The following DOT1L variants were observed in gnomAD, a reference collection of about 807,000 sequenced individuals.
The protein encoded by DOT1L is histone-lysine N-methyltransferase, H3 lysine-79 specific.
A neutral mutation model predicts 153.3 loss-of-function variants in DOT1L; 33 were observed. The observed-to-expected ratio is 0.22, with a 90% confidence interval of 0.16 to 0.29. The LOEUF (loss-of-function observed/expected upper bound fraction) is 0.29, where lower values mean the gene tolerates loss of function less well. Ranked by LOEUF, DOT1L falls within the 10% of genes least tolerant of loss-of-function variation. DOT1L has a pLI of 1.00. For missense variants in DOT1L, 1,847 were observed against 2,119.9 expected, an observed-to-expected ratio of 0.87 and a Z score of 2.53; for synonymous variants, 1,135 against 965.1, an observed-to-expected ratio of 1.18 and a Z score of -3.26.
At chr19:2,227,444 C>A (rs1314953493) in intron 27 of DOT1L, 2 of 599,622 alleles carry the variant, frequency 3.3e-6, no homozygotes, top group Non-Finnish European at 6.3e-6. Context: ...CGGGCTCTGG[C>A]AAGGCTCTGG....
chr19:2,175,711 T>G (rs891257891), intron 1 of DOT1L, among the ~76,000 whole-genome samples: 2 of 152,000 alleles, frequency 1.3e-5, no homozygotes, highest in East Asian at 3.9e-4. Context: ...ACGCCTATAA[T>G]CCCAGCTACT....
intron 8 of DOT1L, among the ~76,000 whole-genome samples, chr19:2,201,942 G>GCCTGTTTTCCCTTT (rs1159690478): frequency 3.9e-5 from 6 of 152,364 alleles, no homozygotes; most frequent in Admixed American, 1.3e-4. Flanking sequence ...TCTGGCCTCA[G>GCCTGTTTTCCCTTT]CCTGTTTTCC....
intron 27 of DOT1L, chr19:2,229,256 C>T (rs757914555): frequency 5.7e-5 from 56 of 985,336 alleles, no homozygotes; most frequent in African/African-American, 3.1e-4. Flanking sequence ...GTTGGCCACC[C>T]GTGCCCTCCA....
At position 2,164,153 on chromosome 19, in the gene DOT1L, C is replaced by T. The variant is rs764122757; in HGVS notation, c.-32C>T. ...GCCCCGCCCCTCCCCCAACCGCCCG[C>T]CTAGCATGGTGCGGCGGCCGCGCGC... On this transcript the variant is annotated 5_prime_UTR_variant, in exon 1 of 28. Transcript: ENST00000398665. 2.5e-6 allele frequency: 3 copies of T among 1,199,392 alleles called. No homozygotes were observed. Among genetic ancestry groups the T allele is most frequent in the Non-Finnish European group, 2.1e-6 (2 of 965,412 alleles). The allele number at this position is 1,199,392 out of a possible 1,614,324, so 74.3% of individuals were successfully genotyped here.
rs2024481292 is a variant in DOT1L at position 2,228,855 on chromosome 19, G to A, written c.4607-930G>A. On this transcript the variant is annotated intron_variant, in intron 27 of 27. Coordinates refer to ENST00000398665, the MANE Select transcript of DOT1L (RefSeq NM_032482.3). ...GAGGTCCTGGAGAGCCAGGGTGGCTGGCTGGATGCCTCTGGTCGGGGCTGT... is the reference window on the plus strand; with the variant it reads ...GAGGTCCTGGAGAGCCAGGGTGGCTAGCTGGATGCCTCTGGTCGGGGCTGT... The A allele has an allele frequency of 5.1e-6, 5 of 985,450 alleles. No individual in the cohort carries two copies. In the Admixed American group the frequency reaches 3.1e-4, roughly 60 times the overall value. The allele number at this position is 985,450 out of a possible 1,614,324, so 61.0% of individuals were successfully genotyped here.
intron 7 of DOT1L, among the ~76,000 whole-genome samples, chr19:2,199,370 C>G (rs1015569155): frequency 2.0e-5 from 3 of 152,192 alleles, no homozygotes; most frequent in Non-Finnish European, 2.9e-5. Flanking sequence ...GGACAGAGCT[C>G]GGCGCTAGGC....
chr19:2,178,953 A>T (rs1157493179), intron 1 of DOT1L, among the ~76,000 whole-genome samples: 1 of 152,162 alleles, frequency 6.6e-6, no homozygotes, highest in Non-Finnish European at 1.5e-5. Context: ...CCTGATCCGA[A>T]CCAGGAGGTG....
At chr19:2,225,505 G>T in intron 26 of DOT1L, 53 bp downstream of exon 26, 1 of 1,586,974 alleles carries the variant, frequency 6.3e-7, no homozygotes, top group South Asian at 1.1e-5. Context: ...TGGCCGTGGT[G>T]CCCAGTCAGT....
chr19:2,176,209 C>T (rs1437708193), intron 1 of DOT1L, among the ~76,000 whole-genome samples: 1 of 151,732 alleles, frequency 6.6e-6, no homozygotes, highest in Non-Finnish European at 1.5e-5. Flanking sequence ...TGCACAAAGC[C>T]CTGTCCCCCA....
In DOT1L at chr19:2,216,938, G is replaced by A. The variant is rs2144871908; in HGVS notation, c.2409-17G>A. The A allele has an allele frequency of 6.2e-7, 1 of 1,600,906 alleles. No individual in the cohort carries two copies. Among genetic ancestry groups the A allele is most frequent in the Non-Finnish European group, 8.5e-7 (1 of 1,170,400 alleles). On this transcript the variant is annotated splice_polypyrimidine_tract_variant and intron_variant, in intron 20 of 27. Coordinates refer to ENST00000398665, the MANE Select transcript of DOT1L (RefSeq NM_032482.3). ...CAGCCCACGGCCCTCGAGAGTGACT[G>A]CAGCTTCTCATTCCAGAGCTGAGCA...
At position 2,220,911 on chromosome 19, in the gene DOT1L, C is replaced by T. The variant is rs1245087298; in HGVS notation, c.2806+689C>T. On this transcript the variant is annotated intron_variant, in intron 23 of 27. Coordinates refer to ENST00000398665, the MANE Select transcript of DOT1L (RefSeq NM_032482.3). The surrounding 1 kb of genome is among the most constrained non-coding windows in gnomAD (Gnocchi z 4.5). ...TAAAATGTGGCCGGGCGTGGTGGCT[C>T]ATGCCTGTAATCCCAGCACCTTGGG... The T allele has an allele frequency of 1.9e-5, 5 of 265,438 alleles. No homozygotes were observed. The highest frequency in any genetic ancestry group is 1.5e-4 in the Admixed American group (3 of 19,762). The allele number at this position is 265,438 out of a possible 1,614,324, so 16.4% of individuals were successfully genotyped here.
intron 1 of DOT1L, among the ~76,000 whole-genome samples, chr19:2,165,089 G>A (rs368577338): frequency 8.5e-5 from 13 of 152,344 alleles, no homozygotes; most frequent in Admixed American, 3.3e-4. Flanking sequence ...CGGGGTGCGA[G>A]TCCCGGCGTG....
chr19:2,206,909 C>A, intron 10 of DOT1L, 112 bp downstream of exon 10: 2 of 1,134,288 alleles, frequency 1.8e-6, no homozygotes, highest in Non-Finnish European at 2.6e-6. Flanking sequence ...CTGGATCCTT[C>A]TGTGGGGTGG....
chr19:2,173,007 G>A (rs572927220), intron 1 of DOT1L, among the ~76,000 whole-genome samples: 11 of 151,890 alleles, frequency 7.2e-5, no homozygotes, highest in South Asian at 6.2e-4. Flanking sequence ...CCCGTTTTAA[G>A]TGTACATTTC....
intron 25 of DOT1L, among the ~76,000 whole-genome samples, chr19:2,223,908 C>T (rs1387881888): frequency 1.3e-5 from 2 of 152,192 alleles, no homozygotes; most frequent in African/African-American, 4.8e-5. Flanking sequence ...TTACCACTGC[C>T]TAAATCCAGA....
intron 27 of DOT1L, chr19:2,229,204 C>A (rs2024495029): frequency 1.0e-6 from 1 of 985,452 alleles, no homozygotes; most frequent in Non-Finnish European, 1.2e-6. Context: ...CACTCCTCCC[C>A]CAAGAGGCTG....
chr19:2,196,139 C>T (rs1599568977), intron 7 of DOT1L, among the ~76,000 whole-genome samples: 1 of 152,252 alleles, frequency 6.6e-6, no homozygotes. Flanking sequence ...GCGCCCCTGT[C>T]CCCAGCTCAG....
Position 2,231,004 on chromosome 19 carries a change from G to A in DOT1L, c.*1212G>A, listed in dbSNP as rs567333038. The A allele has an allele frequency of 9.6e-5, 23 of 240,372 alleles. 1 individual carries two copies. Among genetic ancestry groups the A allele is most frequent in the Middle Eastern group, 2.4e-3 (2 of 826 alleles). The allele number at this position is 240,372 out of a possible 1,614,324, so 14.9% of individuals were successfully genotyped here. A position where few individuals can be genotyped will look rare whatever the true frequency, so the allele number is the denominator to read the frequency against. ...CTCTGGCCCTAGGCCCCAGGGTGAC[G>A]TCGGCCCCCCACTCTGCAGCCTTGG... On this transcript the variant is annotated 3_prime_UTR_variant, in exon 28 of 28. Transcript: ENST00000398665.
Position 2,216,358 on chromosome 19 carries a change from C to A in DOT1L, c.2001C>A (p.Asp667Glu), listed in dbSNP as rs776501955. ...TCAAGTCCTGTGTGCCGCCTGACGA[C>A]GCCCTGTCCCTGCACCTGCGTGGGA... Reference protein sequence around the residue: ...LQLKSCVPPDDALSLHLRGKG... With the variant: ...LQLKSCVPPDEALSLHLRGKG... The change falls in exon 20 of 28, where the codon GAC becomes GAA. Residue 667 changes from aspartate to glutamate, a missense_variant. By Grantham distance (45) the Asp-to-Glu change is conservative. Transcript: ENST00000398665. The A allele has an allele frequency of 6.2e-7, 1 of 1,610,584 alleles. No individual in the cohort carries two copies. The highest frequency in any genetic ancestry group is 1.3e-5 in the African/African-American group (1 of 75,016).
Sources: gnomAD v4.1 joint callset for allele counts (sites outside exome capture counted in the v4.1 genomes callset) on GRCh38, gnomAD v4.1.1 for gene constraint, Gnocchi (gnomAD v3.1) non-coding constraint, MANE v1.5 for transcripts, NCBI Gene and HGNC (gene_info 2026-07-23, HGNC 2026-07-21) for gene names.